The following DCPS variants were observed in gnomAD, a reference collection of about 807,000 sequenced individuals.
The protein encoded by DCPS is m7GpppX diphosphatase.
Under a neutral mutation model 34.7 loss-of-function variants are expected in DCPS, and 27 were observed. The ratio of observed to expected loss-of-function variants is 0.78; its 90% CI spans 0.57 to 1.07. The LOEUF (loss-of-function observed/expected upper bound fraction) is 1.07, where lower values mean the gene tolerates loss of function less well. Ranked by LOEUF, DCPS falls within the 50% of genes least tolerant of loss-of-function variation. DCPS has a pLI of 0.00. For synonymous variants in DCPS, 185 were observed against 185.7 expected (o/e 1.00, Z 0.03); for missense variants, 464 against 436.9 (o/e 1.06, Z -0.55).
chr11:126,304,190 G>A lies in DCPS; in HGVS notation c.110G>A (p.Cys37Tyr). 1 of 1,614,280 alleles carries A rather than the reference G, an allele frequency of 6.2e-7. No homozygotes were observed. Among genetic ancestry groups the A allele is most frequent in the Admixed American group, 1.7e-5 (1 of 60,030 alleles). ...EKEAGVGNGTCAPVRLPFSGF... is the reference protein window; with the variant it reads ...EKEAGVGNGTYAPVRLPFSGF... The stretch of plus-strand genomic sequence containing the variant: ...GAGGCAGGAGTTGGAAATGGTACCT[G>A]TGCTCCTGTCCGCTTACCGTTCTCC... Residue 37 changes from cysteine to tyrosine, a missense_variant, in exon 1 of 6, where the codon TGT becomes TAT. Cys to Tyr is a radical substitution (Grantham distance 194). Coordinates refer to ENST00000263579, the MANE Select transcript of DCPS (RefSeq NM_014026.6).
Position 126,315,807 on chromosome 11 carries a change from G to A in DCPS, c.376+9063G>A, listed in dbSNP as rs908224791. On this transcript the variant is annotated intron_variant, in intron 2 of 5. Coordinates refer to ENST00000263579, the MANE Select transcript of DCPS (RefSeq NM_014026.6). The surrounding 1 kb of genome is among the most constrained non-coding windows in gnomAD (Gnocchi z 6.1). ...CAGCTCATTGCAACCTCCACCTCCC[G>A]GGTTGAAGCGATTCTCCTGCCTCAG... Among the ~76,000 whole-genome samples, 5 of 151,992 alleles carry A rather than the reference G, an allele frequency of 3.3e-5. No individual in the cohort carries two copies. The highest frequency in any genetic ancestry group is 3.3e-4 in the Admixed American group (5 of 15,266).
rs1277478114 is a variant in DCPS, at chr11:126,312,850, C to T, written c.376+6106C>T. On this transcript the variant is annotated intron_variant, in intron 2 of 5. Transcript: ENST00000263579. This position sits in a 1 kb window ranked among gnomAD's most constrained non-coding sequence, Gnocchi z 5.1. ...GCTTTAAATGGAATAATATATATAA[C>T]ATGGAAAAGTGACTGGCTCTGCCCA... Among the ~76,000 whole-genome samples, 1 of 152,170 alleles carries T rather than the reference C, an allele frequency of 6.6e-6. No homozygotes were observed. The highest frequency in any genetic ancestry group is 1.9e-4 in the East Asian group (1 of 5,204).
At chr11:126,321,412 A>G (rs1425243859) in intron 2 of DCPS, among the ~76,000 whole-genome samples, 1 of 152,138 alleles carries the variant, frequency 6.6e-6, no homozygotes, top group African/African-American at 2.4e-5. Context: ...CCCGGCCCCC[A>G]TCCAGCTGCT....
At position 126,333,936 on chromosome 11, in the gene DCPS, C is replaced by T. The variant is rs1019923183; in HGVS notation, c.522+2386C>T. On this transcript the variant is annotated intron_variant, in intron 3 of 5. Transcript: ENST00000263579. This position sits in a 1 kb window ranked among gnomAD's most constrained non-coding sequence, Gnocchi z 5.7. ...CAGATGTGAGAACAGTTGCCATAGG[C>T]AGTGAGGGTGCCCTAAACGGTTTTA... 6.6e-6 allele frequency among the ~76,000 whole-genome samples: 1 copy of T among 152,046 alleles called. No homozygotes were observed. Among genetic ancestry groups the T allele is most frequent in the African/African-American group, 2.4e-5 (1 of 41,354 alleles).
chr11:126,312,162 C>G lies in DCPS; in HGVS notation c.376+5418C>G, dbSNP rs1218480992. ...GCCAGGCTAGTCTCGGACTCCTGAC[C>G]TCAGGTGATCCACCTGCCTCGGCCT... is the stretch of plus-strand genomic sequence containing the variant. On this transcript the variant is annotated intron_variant, in intron 2 of 5. Coordinates refer to ENST00000263579, the MANE Select transcript of DCPS (RefSeq NM_014026.6). The surrounding 1 kb of genome is among the most constrained non-coding windows in gnomAD (Gnocchi z 5.1). Among the ~76,000 whole-genome samples the G allele has an allele frequency of 6.6e-6, 1 of 152,046 alleles. No homozygotes were observed.
At position 126,304,129 on chromosome 11, in the gene DCPS, G is replaced by C. The variant is rs1591378676; in HGVS notation, c.49G>C (p.Val17Leu). The C allele has an allele frequency of 3.1e-6, 5 of 1,614,026 alleles. No individual in the cohort carries two copies. In the East Asian group the frequency reaches 1.1e-4, roughly 36 times the overall value. ...AGGCAAGAGGAAGCGCGAATTGGAC[G>C]TGGAGGAGGCCCACGCCGCCAGCAC... ...QLGKRKRELD[V>L]EEAHAASTEE... is the part of the protein sequence containing the mutation. The change falls in exon 1 of 6, where the codon GTG becomes CTG. Residue 17 changes from valine to leucine, a missense_variant. Val to Leu is a conservative substitution (Grantham distance 32, BLOSUM62 1). Coordinates refer to ENST00000263579, the MANE Select transcript of DCPS (RefSeq NM_014026.6).
rs1184542766 is a variant in DCPS at position 126,345,754 on chromosome 11, G to C, written c.*141G>C. On this transcript the variant is annotated 3_prime_UTR_variant, in exon 6 of 6. Transcript: ENST00000263579. The surrounding 1 kb of genome is among the most constrained non-coding windows in gnomAD (Gnocchi z 7.4). Reference sequence around the variant, plus strand: ...TTGAATAAACTAGCGGGCTCACTCAGTGTGGACAGCGTGGCCTGGGAGGCA... The same window carrying C: ...TTGAATAAACTAGCGGGCTCACTCACTGTGGACAGCGTGGCCTGGGAGGCA... 6.8e-6 allele frequency: 9 copies of C among 1,314,840 alleles called. No individual in the cohort carries two copies. The East Asian group carries it at 2.2e-4, about 33-fold the overall frequency. The allele number at this position is 1,314,840 out of a possible 1,614,324, so 81.4% of individuals were successfully genotyped here. A position where few individuals can be genotyped will look rare whatever the true frequency, so the allele number is the denominator to read the frequency against.
chr11:126,309,560 CCTT>C (rs1951603850), intron 2 of DCPS, among the ~76,000 whole-genome samples: 1 of 152,140 alleles, frequency 6.6e-6, no homozygotes, highest in South Asian at 2.1e-4. Flanking sequence ...GACGCAATGT[CCTT>C]CTTTTTTTAA....
At chr11:126,326,327 G>A (rs1951738015) in intron 2 of DCPS, among the ~76,000 whole-genome samples, 1 of 152,194 alleles carries the variant, frequency 6.6e-6, no homozygotes, top group Non-Finnish European at 1.5e-5. Flanking sequence ...CTGCTGACCT[G>A]CCGTGGGCAG....
rs562093726 is a variant in DCPS at position 126,304,343 on chromosome 11, G to T, written c.201+62G>T. On this transcript the variant is annotated intron_variant, in intron 1 of 5. Transcript: ENST00000263579. ...CAGTGAACCAATCATCGCCTCGGAG[G>T]CAGATTTTTTTTTTTCGGATCTCGG... is the stretch of plus-strand genomic sequence containing the variant. 2.7e-5 allele frequency: 43 copies of T among 1,592,430 alleles called. No individual in the cohort carries two copies. In the African/African-American group the frequency reaches 5.5e-4, roughly 20 times the overall value.
In DCPS at chr11:126,328,422, C is replaced by A. The variant is rs1353401158; in HGVS notation, c.377-2983C>A. Among the ~76,000 whole-genome samples, 1 of 152,132 alleles carries A rather than the reference C, an allele frequency of 6.6e-6. No homozygotes were observed. Among genetic ancestry groups the A allele is most frequent in the Non-Finnish European group, 1.5e-5 (1 of 68,010 alleles). On this transcript the variant is annotated intron_variant, in intron 2 of 5. Coordinates refer to ENST00000263579, the MANE Select transcript of DCPS (RefSeq NM_014026.6). This position sits in a 1 kb window ranked among gnomAD's most constrained non-coding sequence, Gnocchi z 6.6. Reference sequence around the variant, plus strand: ...TCCTGCAGTCAGGTTCCCATCCCTGCAGGTGCACCTCAGGAAAGGCAGGAG... The same window carrying A: ...TCCTGCAGTCAGGTTCCCATCCCTGAAGGTGCACCTCAGGAAAGGCAGGAG...
At position 126,344,316 on chromosome 11, in the gene DCPS, G is replaced by A. The variant is rs1263827681; in HGVS notation, c.747+899G>A. Among the ~76,000 whole-genome samples the A allele has an allele frequency of 6.6e-6, 1 of 152,178 alleles. No homozygotes were observed. The highest frequency in any genetic ancestry group is 1.9e-4 in the East Asian group (1 of 5,196). ...TCACCCACGGCACCACCCCTTGGCT[G>A]CCTTTATCTTTGTGGGGTGACTTGT... On this transcript the variant is annotated intron_variant, in intron 5 of 5. Coordinates refer to ENST00000263579, the MANE Select transcript of DCPS (RefSeq NM_014026.6). This position sits in a 1 kb window ranked among gnomAD's most constrained non-coding sequence, Gnocchi z 8.1.
chr11:126,339,285 T>C (rs1176074706), intron 4 of DCPS, among the ~76,000 whole-genome samples: 1 of 152,088 alleles, frequency 6.6e-6, no homozygotes, highest in Non-Finnish European at 1.5e-5. Context: ...TAATCCAGGC[T>C]CAGATGTGCC....
At position 126,346,714 on chromosome 11, in the gene DCPS, G is replaced by C. The variant is rs999014879; in HGVS notation, c.*1101G>C. Among the ~76,000 whole-genome samples the C allele has an allele frequency of 2.0e-5, 3 of 152,152 alleles. No individual in the cohort carries two copies. The highest frequency in any genetic ancestry group is 7.2e-5 in the African/African-American group (3 of 41,434). ...GCAGGCTCCTAAGTGACAGCAGGGGGGAAGCTTGAGGCACAGTGGGTGGTC... is the reference window on the plus strand; with the variant it reads ...GCAGGCTCCTAAGTGACAGCAGGGGCGAAGCTTGAGGCACAGTGGGTGGTC... On this transcript the variant is annotated 3_prime_UTR_variant, in exon 6 of 6. Coordinates refer to ENST00000263579, the MANE Select transcript of DCPS (RefSeq NM_014026.6). This position sits in a 1 kb window ranked among gnomAD's most constrained non-coding sequence, Gnocchi z 4.1.
intron 2 of DCPS, among the ~76,000 whole-genome samples, chr11:126,317,559 A>G (rs1219414118): frequency 1.3e-5 from 2 of 152,104 alleles, no homozygotes; most frequent in African/African-American, 2.4e-5. Context: ...GTTTCTTTCA[A>G]TGGCTGCTGA....
rs1951786217 is a variant in DCPS at position 126,331,025 on chromosome 11, T to C, written c.377-380T>C. On this transcript the variant is annotated intron_variant, in intron 2 of 5. Transcript: ENST00000263579. The surrounding 1 kb of genome is among the most constrained non-coding windows in gnomAD (Gnocchi z 7.2). Reference sequence around the variant, plus strand: ...TGCTGGGATTACAGGCGTCAGCCACTGCGCCCGGCCTTTAAGCCATATTTT... The same window carrying C: ...TGCTGGGATTACAGGCGTCAGCCACCGCGCCCGGCCTTTAAGCCATATTTT... Among the ~76,000 whole-genome samples the C allele has an allele frequency of 1.3e-5, 2 of 152,060 alleles. No individual in the cohort carries two copies. Among genetic ancestry groups the C allele is most frequent in the Non-Finnish European group, 2.9e-5 (2 of 68,014 alleles).
At chr11:126,339,466 G>C (rs1252769466) in intron 4 of DCPS, among the ~76,000 whole-genome samples, 2 of 152,226 alleles carry the variant, frequency 1.3e-5, no homozygotes, top group Non-Finnish European at 2.9e-5. Context: ...GGGGTAAAGG[G>C]GTGGGATTGT....
In DCPS at chr11:126,348,002, G is replaced by A. The variant is rs925318109; in HGVS notation, c.*2389G>A. Among the ~76,000 whole-genome samples, 6 of 152,220 alleles carry A rather than the reference G, an allele frequency of 3.9e-5. No homozygotes were observed. Among genetic ancestry groups the A allele is most frequent in the South Asian group, 2.1e-4 (1 of 4,806 alleles). On this transcript the variant is annotated 3_prime_UTR_variant, in exon 6 of 6. Transcript: ENST00000263579. The surrounding 1 kb of genome is among the most constrained non-coding windows in gnomAD (Gnocchi z 5.3). ...GTGCTGCTGGAGGGTCTGACTCCAC[G>A]GGCTCCCGCTGACCTTGCCGTTCCT...
intron 2 of DCPS, among the ~76,000 whole-genome samples, chr11:126,326,445 CATA>C (rs1392814660): frequency 6.6e-6 from 1 of 152,168 alleles, no homozygotes; most frequent in Non-Finnish European, 1.5e-5. Flanking sequence ...AAAATGCAAT[CATA>C]ATAATACCCG....
Sources: allele counts gnomAD v4.1 joint callset (sites outside exome capture counted in the v4.1 genomes callset), GRCh38; gene constraint gnomAD v4.1.1; non-coding constraint Gnocchi (gnomAD v3.1); transcripts MANE v1.5; gene names NCBI Gene and HGNC (gene_info 2026-07-23, HGNC 2026-07-21).